TCP11L1: variants seen among roughly 807,000 people sequenced by gnomAD.
TCP11L1 encodes T-complex protein 11-like protein 1.
In TCP11L1, 28 loss-of-function variants were observed where a neutral mutation model predicts 48.9. The observed-to-expected ratio is 0.57, with a 90% CI of 0.42 to 0.78. The LOEUF (loss-of-function observed/expected upper bound fraction) is 0.78, where lower values mean the gene tolerates loss of function less well. Among genes scored for constraint, TCP11L1 ranks in the 30% least tolerant of loss-of-function variants. TCP11L1 has a pLI of 0.00. For synonymous variants in TCP11L1, 204 were observed against 231.9 expected, an observed-to-expected ratio of 0.88 and a Z score of 1.09; for missense variants, 505 against 613.4, an observed-to-expected ratio of 0.82 and a Z score of 1.87.
At position 33,061,741 on chromosome 11, in the gene TCP11L1, C is replaced by A; in HGVS notation, c.972+15C>A. ...CGTTCCCCGAAGTAGGTCTCCTGAG[C>A]CATCTCACTACTCATATTTGTTTTT... On this transcript the variant is annotated intron_variant, in intron 7 of 9. Coordinates refer to ENST00000334274, the MANE Select transcript of TCP11L1 (RefSeq NM_018393.4). 2 of 1,578,250 alleles carry A rather than the reference C, an allele frequency of 1.3e-6. No homozygotes were observed. Among genetic ancestry groups the A allele is most frequent in the Non-Finnish European group, 1.7e-6 (2 of 1,159,420 alleles).
At chr11:33,058,865 G>C (rs1310905121) in intron 5 of TCP11L1, 94 bp from the exon 6 acceptor site, 17 of 1,412,410 alleles carry the variant, frequency 1.2e-5, no homozygotes, top group African/African-American at 1.4e-5. Flanking sequence ...CAAAGTGTTG[G>C]GATTACAGGT....
chr11:33,060,821 A>G (rs1237297213), intron 6 of TCP11L1, among the ~76,000 whole-genome samples: 2 of 152,142 alleles, frequency 1.3e-5, no homozygotes, highest in African/African-American at 2.4e-5. Context: ...GTCTCATCCT[A>G]TCTGTCTCTA....
chr11:33,062,868 A>T (rs776959749), intron 7 of TCP11L1, among the ~76,000 whole-genome samples: 19 of 152,252 alleles, frequency 1.2e-4, no homozygotes, highest in East Asian at 3.9e-4. Flanking sequence ...TGGGTTTTTT[A>T]AAATTTTTTT....
chr11:33,051,472 A>G (rs1419086037), intron 2 of TCP11L1, among the ~76,000 whole-genome samples: 1 of 152,180 alleles, frequency 6.6e-6, no homozygotes, highest in Non-Finnish European at 1.5e-5. Context: ...TTTTACATAT[A>G]GATACTTAAT....
rs1854825607 is a variant in TCP11L1, at chr11:33,072,555, G to T, written c.1409G>T (p.Ser470Ile). ...KPLPTVPGGL[S>I]PVQRELEEVA... ...TTGCCCACAGTCCCTGGGGGACTCA[G>T]TCCAGTTCAGAGAGAGCTGGAGGAA... Residue 470 changes from serine to isoleucine, a missense_variant, in exon 10 of 10, where the codon AGT becomes ATT. Around this residue, in one of 3 missense-constraint regions of TCP11L1, gnomAD observed 335 missense variants for 413.3 expected, o/e 0.81. Transcript: ENST00000334274. 6.2e-7 allele frequency: 1 copy of T among 1,614,030 alleles called. No individual in the cohort carries two copies. The highest frequency in any genetic ancestry group is 8.5e-7 in the Non-Finnish European group (1 of 1,180,044).
In TCP11L1 at chr11:33,055,346, A is replaced by C. The variant is rs114244758; in HGVS notation, c.296+621A>C. Among the ~76,000 whole-genome samples the C allele has an allele frequency of 2.5e-3, 385 of 152,334 alleles. 1 individual carries two copies. The highest frequency in any genetic ancestry group is 8.9e-3 in the African/African-American group (369 of 41,568). On this transcript the variant is annotated intron_variant, in intron 3 of 9. Coordinates refer to ENST00000334274, the MANE Select transcript of TCP11L1 (RefSeq NM_018393.4). ...TCTCTTAGCCTGTCCTCATGGTTGC[A>C]GGATGAATGCTGCAGCTCCAAGCAT...
At chr11:33,071,746 C>T (rs1421080003) in intron 9 of TCP11L1, among the ~76,000 whole-genome samples, 1 of 152,180 alleles carries the variant, frequency 6.6e-6, no homozygotes. Flanking sequence ...TTTATGTGAT[C>T]GTCAGCGATG....
rs1214677785 is a variant in TCP11L1 at position 33,072,619 on chromosome 11, G to C, written c.1473G>C (p.Lys491Asn). The C allele has an allele frequency of 6.2e-7, 1 of 1,614,028 alleles. No individual in the cohort carries two copies. The highest frequency in any genetic ancestry group is 8.5e-7 in the Non-Finnish European group (1 of 1,180,034). Residue 491 changes from lysine (K) to asparagine (N), a missense_variant, in exon 10 of 10, where the codon AAG becomes AAC. By Grantham distance (94) the Lys-to-Asn change is moderately conservative. Transcript: ENST00000334274. ...IKFARLVNYNKMVFCPYYDAI... is the reference protein window; with the variant it reads ...IKFARLVNYNNMVFCPYYDAI... Reference sequence around the variant, plus strand: ...TTGCTCGCCTGGTCAACTATAACAAGATGGTCTTCTGTCCCTACTACGATG... The same window carrying C: ...TTGCTCGCCTGGTCAACTATAACAACATGGTCTTCTGTCCCTACTACGATG...
At chr11:33,050,279 C>A (rs1346967369) in intron 2 of TCP11L1, among the ~76,000 whole-genome samples, 1 of 152,166 alleles carries the variant, frequency 6.6e-6, no homozygotes, top group Non-Finnish European at 1.5e-5. Flanking sequence ...TCTCTCTTTT[C>A]CCCACAATTT....
chr11:33,072,040 T>A (rs1854805397), intron 9 of TCP11L1, among the ~76,000 whole-genome samples: 1 of 152,114 alleles, frequency 6.6e-6, no homozygotes, highest in African/African-American at 2.4e-5. Context: ...GAGACGGGGC[T>A]TCACCACAAT....
intron 9 of TCP11L1, among the ~76,000 whole-genome samples, chr11:33,071,417 C>T (rs1657562525): frequency 6.6e-6 from 1 of 152,136 alleles, no homozygotes; most frequent in African/African-American, 2.4e-5. Flanking sequence ...GAGAGGATTC[C>T]CCAGGCAGGA....
chr11:33,045,168 A>G (rs1187834651), intron 2 of TCP11L1, among the ~76,000 whole-genome samples: 3 of 152,028 alleles, frequency 2.0e-5, no homozygotes, highest in African/African-American at 7.2e-5. Context: ...CAGCCTAGGC[A>G]ACATAATGAG....
rs1853770317 is a variant in TCP11L1 at position 33,039,694 on chromosome 11, C to T, written c.-123C>T. On this transcript the variant is annotated 5_prime_UTR_variant, in exon 1 of 10. Transcript: ENST00000334274. The stretch of plus-strand genomic sequence containing the variant: ...CTCGGAGGGGCAGAGGCTGAACCGC[C>T]CCTGCCTGCCGCGCATCCCTCCGGC... 6.6e-6 allele frequency: 1 copy of T among 152,274 alleles called. No homozygotes were observed. The highest frequency in any genetic ancestry group is 2.4e-5 in the African/African-American group (1 of 41,472). 9.4% of individuals were successfully genotyped at this position (152,274 alleles called of 1,614,324 possible).
chr11:33,063,638 A>T (rs1320498554), intron 7 of TCP11L1, among the ~76,000 whole-genome samples: 1 of 152,222 alleles, frequency 6.6e-6, no homozygotes, highest in East Asian at 1.9e-4. Context: ...TAAGAAGATG[A>T]CTAAGAAGGG....
In TCP11L1 at chr11:33,058,196, T is replaced by C. The variant is rs1854367171; in HGVS notation, c.638+57T>C. ...ACTACAATTCAGAGGCATTTTCTTT[T>C]TTTTCTTTTCTTTTTTTTTTGAGAC... On this transcript the variant is annotated intron_variant, in intron 5 of 9. Coordinates refer to ENST00000334274, the MANE Select transcript of TCP11L1 (RefSeq NM_018393.4). The C allele has an allele frequency of 2.8e-6, 4 of 1,454,268 alleles. No homozygotes were observed. The Admixed American group carries it at 1.0e-4, about 37-fold the overall frequency. The allele number at this position is 1,454,268 out of a possible 1,614,324, so 90.1% of individuals were successfully genotyped here.
chr11:33,047,251 G>A lies in TCP11L1; in HGVS notation c.163+3315G>A, dbSNP rs57503060. 6.0e-3 allele frequency among the ~76,000 whole-genome samples: 905 copies of A among 151,774 alleles called. 12 individuals carry two copies. The highest frequency in any genetic ancestry group is 0.019 in the African/African-American group (772 of 41,360). On this transcript the variant is annotated intron_variant, in intron 2 of 9. Coordinates refer to ENST00000334274, the MANE Select transcript of TCP11L1 (RefSeq NM_018393.4). ...AAAAGAGTAGAATTCTGATGTAACC[G>A]ATGCAGAATATTGAAAAAGGAAAAA... is the stretch of plus-strand genomic sequence containing the variant.
At chr11:33,070,799 T>A (rs1854765266) in intron 9 of TCP11L1, among the ~76,000 whole-genome samples, 1 of 151,290 alleles carries the variant, frequency 6.6e-6, no homozygotes, top group African/African-American at 2.4e-5. Flanking sequence ...GTCAGGAGTT[T>A]GAGACCAGCC....
chr11:33,054,450 T>C (rs1854252285), intron 2 of TCP11L1, 143 bp from the exon 3 acceptor site: 1 of 907,986 alleles, frequency 1.1e-6, no homozygotes, highest in African/African-American at 1.7e-5. Context: ...TAACATTCTG[T>C]TGCTGTTTGA....
chr11:33,055,889 C>T (rs980389436), intron 3 of TCP11L1, among the ~76,000 whole-genome samples: 1 of 152,228 alleles, frequency 6.6e-6, no homozygotes, highest in African/African-American at 2.4e-5. Context: ...ATGATCTTGG[C>T]TCACTGCAAC....
Sources: allele counts gnomAD v4.1 joint callset (sites outside exome capture counted in the v4.1 genomes callset), GRCh38; gene constraint gnomAD v4.1.1; regional missense constraint gnomAD v4.1.1; transcripts MANE v1.5; gene names NCBI Gene and HGNC (gene_info 2026-07-23, HGNC 2026-07-21).